COL28A1: variants seen among roughly 807,000 people sequenced by gnomAD.
COL28A1 encodes collagen alpha-1(XXVIII) chain.
A neutral mutation model predicts 150.2 loss-of-function variants in COL28A1; 161 were observed. The observed-to-expected ratio is 1.07, with a 90% confidence interval of 0.94 to 1.22. The LOEUF (loss-of-function observed/expected upper bound fraction) is 1.22. Among genes scored for constraint, COL28A1 ranks in the 50% most tolerant of loss-of-function variants. The pLI is 0.00. For missense variants in COL28A1, 1,617 were observed against 1,388.3 expected (o/e 1.16, Z -2.62); for synonymous variants, 552 against 469.7 (o/e 1.18, Z -2.26).
chr7:7,395,977 C>T (rs1448436072), intron 27 of COL28A1, among the ~76,000 whole-genome samples: 10 of 152,154 alleles, frequency 6.6e-5, no homozygotes, highest in Admixed American at 4.6e-4. Context: ...GTTAACAAGA[C>T]GCAGTGACCT....
At chr7:7,541,286 A>C in the COL28A1 span, among the ~76,000 whole-genome samples, 1 of 152,084 alleles carries the variant, frequency 6.6e-6, no homozygotes. Flanking sequence ...CATGGACAAA[A>C]TTTATAGAAA....
At chr7:7,387,262 G>A (rs914182377) in intron 27 of COL28A1, among the ~76,000 whole-genome samples, 6 of 152,086 alleles carry the variant, frequency 3.9e-5, no homozygotes, top group African/African-American at 1.4e-4. Flanking sequence ...ACCACGCCCA[G>A]ACCATTAGAT....
In COL28A1 at chr7:7,382,918, G is replaced by C. The variant is rs764392677; in HGVS notation, c.2137-1306C>G. Reference sequence around the variant, plus strand: ...GGCACTCCTGGAAGGGGCCACAGAGGTTTGCTTGGAGACCATTACAACTTT... The same window carrying C: ...GGCACTCCTGGAAGGGGCCACAGAGCTTTGCTTGGAGACCATTACAACTTT... On this transcript the variant is annotated intron_variant, in intron 27 of 34. Coordinates refer to ENST00000399429, the MANE Select transcript of COL28A1 (RefSeq NM_001037763.3). 2.0e-5 allele frequency among the ~76,000 whole-genome samples: 3 copies of C among 152,092 alleles called. No homozygotes were observed. In the South Asian group the frequency reaches 6.2e-4, roughly 32 times the overall value.
intron 18 of COL28A1, among the ~76,000 whole-genome samples, chr7:7,445,081 T>C (rs1391406830): frequency 6.6e-6 from 1 of 152,182 alleles, no homozygotes; most frequent in East Asian, 1.9e-4. Flanking sequence ...GATTGTAAGT[T>C]TCCTGAGGCC....
chr7:7,340,585 G>A, the COL28A1 span, among the ~76,000 whole-genome samples: 1 of 152,010 alleles, frequency 6.6e-6, no homozygotes, highest in Admixed American at 6.6e-5. Flanking sequence ...CTCCTCACTG[G>A]CTGCCTTATT....
chr7:7,440,463 A>G (rs1451907704), intron 21 of COL28A1, among the ~76,000 whole-genome samples: 1 of 152,226 alleles, frequency 6.6e-6, no homozygotes, highest in African/African-American at 2.4e-5. Context: ...TGGGTTGTTT[A>G]GCAAAGCAAG....
At chr7:7,403,281 T>G (rs773289154) in intron 27 of COL28A1, among the ~76,000 whole-genome samples, 20 of 152,048 alleles carry the variant, frequency 1.3e-4, no homozygotes, top group Non-Finnish European at 1.9e-4. Context: ...TACAATCAGA[T>G]CAAAGCCGAG....
intron 24 of COL28A1, 33 bp from the exon 25 acceptor site, chr7:7,432,574 T>C: frequency 6.2e-7 from 1 of 1,611,766 alleles, no homozygotes; most frequent in Non-Finnish European, 8.5e-7. Context: ...GGAGTGAGCA[T>C]CCTTGTAGTA....
Position 7,443,630 on chromosome 7 carries a change from T to C in COL28A1, c.1605A>G (p.Ala535=), listed in dbSNP as rs1323340872. 1 of 1,614,106 alleles carries C rather than the reference T, an allele frequency of 6.2e-7. No homozygotes were observed. Among genetic ancestry groups the C allele is most frequent in the Admixed American group, 1.7e-5 (1 of 60,014 alleles). Residue 535 remains alanine (A), a synonymous_variant, in exon 20 of 35, where the codon GCA becomes GCG. Transcript: ENST00000399429. ...GKKGEAGLPG[A]RGPEGPPGKG... ...TTCCAGGTGGTCCTTCTGGGCCTCT[T>C]GCTCCCGGAAGCCCCGCTTCTCCCT...
At chr7:7,417,546 GGGGAGAGA>G (rs1784166431) in intron 27 of COL28A1, 2 of 85,606 alleles carry the variant, frequency 2.3e-5, no homozygotes, top group Non-Finnish European at 1.9e-5. Flanking sequence ...GGGAGGGGGG[GGGGAGAGA>G]GAGAGAGAGA....
At chr7:7,517,616 T>C (rs762243417) in intron 7 of COL28A1, among the ~76,000 whole-genome samples, 180 bp downstream of exon 7, 6 of 152,162 alleles carry the variant, frequency 3.9e-5, no homozygotes, top group Non-Finnish European at 7.4e-5. Flanking sequence ...TAGCTGAGTA[T>C]TTTCTCCCCA....
intron 30 of COL28A1, 113 bp downstream of exon 30, chr7:7,380,547 A>C (rs776377685): frequency 1.5e-4 from 131 of 883,192 alleles, no homozygotes; most frequent in Non-Finnish European, 2.3e-4. Flanking sequence ...GATCTCATTT[A>C]AATAGAAACT....
the COL28A1 span, among the ~76,000 whole-genome samples, chr7:7,350,717 G>A: frequency 1.4e-5 from 2 of 145,462 alleles, no homozygotes; most frequent in East Asian, 4.0e-4. Flanking sequence ...TATTCTTAAC[G>A]GAATCAGTTT....
intron 27 of COL28A1, among the ~76,000 whole-genome samples, chr7:7,413,350 T>C (rs764047170): frequency 6.6e-6 from 1 of 152,190 alleles, no homozygotes; most frequent in Non-Finnish European, 1.5e-5. Flanking sequence ...GAGCAACAAA[T>C]GACTTAAAAT....
intron 23 of COL28A1, among the ~76,000 whole-genome samples, 186 bp downstream of exon 23, chr7:7,436,209 T>G (rs1785330028): frequency 6.6e-6 from 1 of 152,214 alleles, no homozygotes; most frequent in Non-Finnish European, 1.5e-5. Context: ...AGAGCTACTT[T>G]TCCCCACAAG....
At chr7:7,420,688 T>C (rs775261128) in intron 25 of COL28A1, among the ~76,000 whole-genome samples, 4 of 152,250 alleles carry the variant, frequency 2.6e-5, no homozygotes, top group Non-Finnish European at 5.9e-5. Flanking sequence ...TCATCACATA[T>C]GTAGAAAATA....
chr7:7,393,618 T>TG (rs56669291), intron 27 of COL28A1, among the ~76,000 whole-genome samples: 152,294 of 152,294 alleles, frequency 1, 76,147 homozygotes, highest in Non-Finnish European at 1. Context: ...AGCCCCTTGC[T>TG]GGGCTGCTGC....
At position 7,531,753 on chromosome 7, in the gene COL28A1, T is replaced by G; in HGVS notation, c.276A>C (p.Lys92Asn). Residue 92 changes from lysine (K) to asparagine (N), a missense_variant, in exon 3 of 35, where the codon AAA becomes AAC. Lys to Asn is a moderately conservative substitution (Grantham distance 94). Transcript: ENST00000399429. ...TPGRSLEYDI[K>N]LAALQFSSSV... ...AGCTGCTAAACTGAAGGGCTGCCAG[T>G]TTGATGTCATATTCCAAGGAGCGAC... is the stretch of plus-strand genomic sequence containing the variant. 1.2e-6 allele frequency: 2 copies of G among 1,610,152 alleles called. No individual in the cohort carries two copies. The highest frequency in any genetic ancestry group is 1.7e-6 in the Non-Finnish European group (2 of 1,176,378).
At chr7:7,399,282 A>C (rs903833850) in intron 27 of COL28A1, among the ~76,000 whole-genome samples, 3 of 152,154 alleles carry the variant, frequency 2.0e-5, no homozygotes, top group African/African-American at 7.2e-5. Flanking sequence ...ACATCCAAGA[A>C]GTCTTCCCTG....
Sources: allele counts gnomAD v4.1 joint callset (sites outside exome capture counted in the v4.1 genomes callset), GRCh38; gene constraint gnomAD v4.1.1; transcripts MANE v1.5; gene names NCBI Gene and HGNC (gene_info 2026-07-23, HGNC 2026-07-21).